Variants in SPOCK3 observed in about 807,000 individuals in gnomAD.
SPOCK3 encodes the protein testican-3.
In SPOCK3, 30 loss-of-function variants were observed where a neutral mutation model predicts 56.6. That is an observed-to-expected ratio of 0.53 (90% confidence interval 0.40 to 0.72). The LOEUF is 0.72. SPOCK3 is among the 30% of genes least tolerant of loss of function. The pLI is 0.00. For synonymous variants in SPOCK3, 196 were observed against 183.3 expected, an observed-to-expected ratio of 1.07 and a Z score of -0.56; for missense variants, 527 against 530.0, an observed-to-expected ratio of 0.99 and a Z score of 0.06.
chr4:167,022,669 G>A (rs1457997980), intron 3 of SPOCK3, among the ~76,000 whole-genome samples: 1 of 152,010 alleles, frequency 6.6e-6, no homozygotes, highest in African/African-American at 2.4e-5. Flanking sequence ...AGGTAACCCT[G>A]AAACATAGTG....
intron 3 of SPOCK3, among the ~76,000 whole-genome samples, chr4:167,057,851 C>T (rs994421303): frequency 6.6e-6 from 1 of 152,110 alleles, no homozygotes; most frequent in Non-Finnish European, 1.5e-5. Context: ...GCCTTTAACA[C>T]CCCACTGTCA....
intron 8 of SPOCK3, among the ~76,000 whole-genome samples, chr4:166,748,836 C>T (rs1167122824): frequency 1.5e-5 from 2 of 136,976 alleles, no homozygotes. Flanking sequence ...AGGATATGAA[C>T]AGACATTTTT....
intron 5 of SPOCK3, among the ~76,000 whole-genome samples, chr4:166,909,131 G>T (rs1407142154): frequency 1.3e-5 from 2 of 151,934 alleles, no homozygotes; most frequent in South Asian, 2.1e-4. Flanking sequence ...ATTTTTTCAA[G>T]TAAGCCTATT....
At chr4:167,169,511 G>A (rs955055385) in intron 2 of SPOCK3, among the ~76,000 whole-genome samples, 1 of 152,154 alleles carries the variant, frequency 6.6e-6, no homozygotes, top group African/African-American at 2.4e-5. Context: ...TTTGGAGTTG[G>A]TGTATTTATC....
intron 7 of SPOCK3, among the ~76,000 whole-genome samples, chr4:166,781,736 C>T (rs1740196866): frequency 6.6e-6 from 1 of 151,848 alleles, no homozygotes; most frequent in Non-Finnish European, 1.5e-5. Flanking sequence ...GATGCACCAT[C>T]GTCAAACTGT....
intron 8 of SPOCK3, among the ~76,000 whole-genome samples, chr4:166,743,597 T>C (rs1172679846): frequency 6.6e-5 from 10 of 151,996 alleles, no homozygotes; most frequent in Non-Finnish European, 1.3e-4. Context: ...GTTCATCTCA[T>C]TGGGACTGGT....
chr4:166,938,982 G>C (rs1156571311), intron 4 of SPOCK3, among the ~76,000 whole-genome samples: 2 of 133,792 alleles, frequency 1.5e-5, no homozygotes, highest in East Asian at 4.7e-4. Flanking sequence ...CACACACACA[G>C]ATTCTCTTTA....
intron 2 of SPOCK3, among the ~76,000 whole-genome samples, chr4:167,115,245 A>G (rs1761235315): frequency 6.6e-6 from 1 of 151,748 alleles, no homozygotes; most frequent in South Asian, 2.1e-4. Flanking sequence ...TGCTAAATGT[A>G]GAGTTGTCTA....
intron 3 of SPOCK3, among the ~76,000 whole-genome samples, chr4:167,002,563 T>C (rs766226348): frequency 1.2e-4 from 18 of 152,332 alleles, no homozygotes; most frequent in Non-Finnish European, 1.8e-4. Context: ...ATAGCTTTCC[T>C]TGTTTGGTCA....
chr4:167,193,103 G>A (rs1381204956), intron 2 of SPOCK3, among the ~76,000 whole-genome samples: 1 of 145,438 alleles, frequency 6.9e-6, no homozygotes, highest in African/African-American at 2.6e-5. Flanking sequence ...GTGTCTGTTG[G>A]GTCCATTCAT....
intron 6 of SPOCK3, among the ~76,000 whole-genome samples, chr4:166,853,169 G>A (rs185171234): frequency 2.0e-5 from 3 of 152,028 alleles, no homozygotes; most frequent in African/African-American, 7.2e-5. Context: ...TATTGAAATA[G>A]GTTGCTAGTA....
At chr4:166,797,319 TTTTA>T in intron 6 of SPOCK3, among the ~76,000 whole-genome samples, 1 of 112,688 alleles carries the variant, frequency 8.9e-6, no homozygotes, top group African/African-American at 3.4e-5. Flanking sequence ...TTTTTTTTTT[TTTTA>T]AACAAAGCTT....
intron 7 of SPOCK3, among the ~76,000 whole-genome samples, chr4:166,769,109 T>C (rs1219933701): frequency 6.8e-6 from 1 of 146,604 alleles, no homozygotes; most frequent in Non-Finnish European, 1.5e-5. Flanking sequence ...TCAAGGTTTT[T>C]AGCTTCTTTT....
At chr4:167,194,139 CCT>C (rs1240777916) in intron 2 of SPOCK3, among the ~76,000 whole-genome samples, 2 of 123,812 alleles carry the variant, frequency 1.6e-5, no homozygotes, top group Admixed American at 8.8e-5. Context: ...CTTTAAACAC[CCT>C]GTTTTTGAGT....
chr4:166,947,597 A>G (rs1051110569), intron 4 of SPOCK3, among the ~76,000 whole-genome samples: 2 of 152,180 alleles, frequency 1.3e-5, no homozygotes, highest in East Asian at 1.9e-4. Flanking sequence ...AATTTAAAAA[A>G]AAGAAAAACG....
At position 166,867,282 on chromosome 4, in the gene SPOCK3, C is replaced by T. The variant is rs148201385; in HGVS notation, c.589+21848G>A. Among the ~76,000 whole-genome samples the T allele has an allele frequency of 1.4e-3, 219 of 151,846 alleles. 1 individual carries two copies. Among genetic ancestry groups the T allele is most frequent in the African/African-American group, 4.8e-3 (198 of 41,446 alleles). ...AAAGATAATAATGATAATAATTTCT[C>T]GGATAAAGTGATGGAAGTTATTTTT... On this transcript the variant is annotated intron_variant, in intron 6 of 10. Coordinates refer to ENST00000357545, the MANE Select transcript of SPOCK3 (RefSeq NM_001040159.2).
intron 2 of SPOCK3, among the ~76,000 whole-genome samples, chr4:167,145,572 G>A (rs182512935): frequency 2.0e-4 from 31 of 152,164 alleles, no homozygotes; most frequent in African/African-American, 6.5e-4. Context: ...AGTGAAGTCT[G>A]AGAAAAATCA....
At chr4:167,222,317 A>G (rs1736002861) in intron 2 of SPOCK3, among the ~76,000 whole-genome samples, 1 of 152,012 alleles carries the variant, frequency 6.6e-6, no homozygotes. Context: ...ATGTGGTTAA[A>G]TGAGTATAAA....
chr4:167,210,886 T>A (rs1462836173), intron 2 of SPOCK3, among the ~76,000 whole-genome samples: 3 of 152,212 alleles, frequency 2.0e-5, no homozygotes, highest in Non-Finnish European at 4.4e-5. Context: ...TGATCACATA[T>A]TTCAGTTATT....
Sources: gnomAD v4.1 joint callset for allele counts (sites outside exome capture counted in the v4.1 genomes callset) on GRCh38, gnomAD v4.1.1 for gene constraint, MANE v1.5 for transcripts, NCBI Gene and HGNC (gene_info 2026-07-23, HGNC 2026-07-21) for gene names.